The following TIAM2 variants were observed in gnomAD, a reference collection of about 807,000 sequenced individuals.
The protein encoded by TIAM2 is TIAM Rac1 associated GEF 2.
TIAM2 carries 80 observed loss-of-function variants against 152.9 expected under a neutral mutation model. That is an observed-to-expected ratio of 0.52 (90% confidence interval 0.44 to 0.63). The LOEUF is 0.63. Among genes scored for constraint, TIAM2 ranks in the 30% least tolerant of loss-of-function variants. TIAM2 has a pLI of 0.00. For missense variants in TIAM2, 1,965 were observed against 2,120.1 expected (o/e 0.93, Z 1.44); for synonymous variants, 804 against 838.0 (o/e 0.96, Z 0.70).
At chr6:155,080,364 A>G (rs1778036052) in intron 1 of TIAM2, among the ~76,000 whole-genome samples, 1 of 151,870 alleles carries the variant, frequency 6.6e-6, no homozygotes, top group South Asian at 2.1e-4. Context: ...TTTTGTGGGC[A>G]AGGTATATAA....
intron 2 of TIAM2, among the ~76,000 whole-genome samples, chr6:155,117,749 ATTCTCTC>A (rs1384209307): frequency 7.9e-5 from 12 of 151,936 alleles, no homozygotes; most frequent in Non-Finnish European, 1.6e-4. Flanking sequence ...GGCCTTTCAT[ATTCTCTC>A]TTACTGATTC....
rs1175378896 is a variant in TIAM2, at chr6:155,148,405, T to TCATCTTGGTGGTATTTCTTGGCTCA, written c.2028+91_2028+115dup. On this transcript the variant is annotated intron_variant, in intron 7 of 26. Coordinates refer to ENST00000682666, the MANE Select transcript of TIAM2 (RefSeq NM_012454.4). ...TTGTGCAGTGACTGAACGCATGCTGTCATCTTGGTGGTATTTCTTGGCTCA... is the reference window on the plus strand; with the variant it reads ...TTGTGCAGTGACTGAACGCATGCTGTCATCTTGGTGGTATTTCTTGGCTCACATCTTGGTGGTATTTCTTGGCTCA... 2.1e-5 allele frequency: 30 copies of TCATCTTGGTGGTATTTCTTGGCTCA among 1,413,106 alleles called. No homozygotes were observed. In the African/African-American group the frequency reaches 3.7e-4, roughly 17 times the overall value. The allele number at this position is 1,413,106 out of a possible 1,614,324, so 87.5% of individuals were successfully genotyped here. A position where few individuals can be genotyped will look rare whatever the true frequency, so the allele number is the denominator to read the frequency against.
chr6:155,140,571 TGTGAGA>T (rs1463703563), intron 5 of TIAM2, among the ~76,000 whole-genome samples: 117 of 110,764 alleles, frequency 1.1e-3, no homozygotes, highest in African/African-American at 4.3e-3. Context: ...TGTGTGTGTG[TGTGAGA>T]GAGAGAGAGA....
intron 2 of TIAM2, among the ~76,000 whole-genome samples, chr6:155,114,036 AT>A (rs869241399): frequency 6.6e-3 from 230 of 34,898 alleles, no homozygotes; most frequent in African/African-American, 0.016. Flanking sequence ...ATATATATAT[AT>A]TTTTTTTTTT....
At chr6:155,016,001 A>G (rs748342511) in intron 1 of TIAM2, among the ~76,000 whole-genome samples, 9 of 151,640 alleles carry the variant, frequency 5.9e-5, no homozygotes, top group African/African-American at 4.8e-5. Flanking sequence ...TGTAATGTAC[A>G]TCAGACCATC....
At chr6:155,251,559 T>G (rs933629624) in intron 22 of TIAM2, among the ~76,000 whole-genome samples, 2 of 152,194 alleles carry the variant, frequency 1.3e-5, no homozygotes, top group African/African-American at 4.8e-5. Flanking sequence ...AGTGCTGGGA[T>G]TACAGGCATT....
At chr6:155,067,468 G>A (rs371790116) in intron 1 of TIAM2, among the ~76,000 whole-genome samples, 2 of 152,256 alleles carry the variant, frequency 1.3e-5, no homozygotes, top group South Asian at 4.1e-4. Context: ...AGAGGTCCAT[G>A]TCTCCAAGAA....
chr6:155,067,029 C>T (rs951276663), intron 1 of TIAM2, among the ~76,000 whole-genome samples: 2 of 152,132 alleles, frequency 1.3e-5, no homozygotes, highest in East Asian at 3.9e-4. Context: ...AGAGCTGAGA[C>T]GATGACAAGT....
chr6:155,245,755 G>GTTGTT, intron 19 of TIAM2, 24 bp downstream of exon 19: 2 of 1,022,126 alleles, frequency 2.0e-6, no homozygotes, highest in Non-Finnish European at 1.4e-6. Flanking sequence ...GCCTTTTATA[G>GTTGTT]TTTTTTTTTT....
At chr6:155,193,013 C>T (rs1206164985) in intron 14 of TIAM2, among the ~76,000 whole-genome samples, 2 of 152,208 alleles carry the variant, frequency 1.3e-5, no homozygotes, top group African/African-American at 4.8e-5. Flanking sequence ...ATCTTTTACT[C>T]ATGCGTGATT....
chr6:155,166,385 G>A lies in TIAM2; in HGVS notation c.2361+976G>A, dbSNP rs75142399. 5.3e-5 allele frequency among the ~76,000 whole-genome samples: 8 copies of A among 151,202 alleles called. No individual in the cohort carries two copies. In the East Asian group the frequency reaches 1.6e-3, roughly 29 times the overall value. On this transcript the variant is annotated intron_variant, in intron 9 of 26. Coordinates refer to ENST00000682666, the MANE Select transcript of TIAM2 (RefSeq NM_012454.4). ...GTCACCCAGGCTGGAATGTAGTGGT[G>A]TGATCTTGGCTCGCCGCAACCTCTG...
rs553696382 is a variant in TIAM2, at chr6:155,204,759, G to A, written c.3065-6445G>A. Among the ~76,000 whole-genome samples, 92 of 152,220 alleles carry A rather than the reference G, an allele frequency of 6.0e-4. 2 individuals carry two copies. In the South Asian group the frequency reaches 0.018, roughly 29 times the overall value. Reference sequence around the variant, plus strand: ...TCTATTTCAAATGAATCCTCAGTCCGCATATTGAAGCACGGCTTTTTCCGA... The same window carrying A: ...TCTATTTCAAATGAATCCTCAGTCCACATATTGAAGCACGGCTTTTTCCGA... On this transcript the variant is annotated intron_variant, in intron 14 of 26. Transcript: ENST00000682666.
intron 2 of TIAM2, among the ~76,000 whole-genome samples, chr6:155,099,177 A>C (rs1778491285): frequency 6.6e-6 from 1 of 151,650 alleles, no homozygotes; most frequent in Admixed American, 6.6e-5. Flanking sequence ...ACAAGAGCAA[A>C]ACTCCATGTC....
Position 155,256,480 on chromosome 6 carries a change from G to A in TIAM2, c.4469-4G>A. Reference sequence around the variant, plus strand: ...CACAGCGAAATGTGTTTTTCTCACTGTAGCTTCATCCAGGTCTTTAAAAGT... The same window carrying A: ...CACAGCGAAATGTGTTTTTCTCACTATAGCTTCATCCAGGTCTTTAAAAGT... On this transcript the variant is annotated splice_polypyrimidine_tract_variant and splice_region_variant and intron_variant, in intron 26 of 26. Coordinates refer to ENST00000682666, the MANE Select transcript of TIAM2 (RefSeq NM_012454.4). The A allele has an allele frequency of 6.2e-7, 1 of 1,614,142 alleles. No homozygotes were observed. Among genetic ancestry groups the A allele is most frequent in the Non-Finnish European group, 8.5e-7 (1 of 1,180,042 alleles).
intron 18 of TIAM2, 137 bp downstream of exon 18, chr6:155,244,920 C>A: frequency 8.9e-7 from 1 of 1,119,264 alleles, no homozygotes; most frequent in Non-Finnish European, 1.2e-6. Context: ...TATTTCCTTG[C>A]ACCGTTTTCC....
At chr6:155,002,657 G>T (rs1778331555) in intron 1 of TIAM2, among the ~76,000 whole-genome samples, 1 of 116,044 alleles carries the variant, frequency 8.6e-6, no homozygotes, top group Non-Finnish European at 2.0e-5. Flanking sequence ...CCATCACACA[G>T]GGAGTGCTTT....
intron 1 of TIAM2, among the ~76,000 whole-genome samples, chr6:155,029,816 CAG>C (rs1340860057): frequency 2.0e-5 from 3 of 149,426 alleles, no homozygotes; most frequent in African/African-American, 7.4e-5. Context: ...TTTTCTGAGA[CAG>C]GGTCTCAGTC....
chr6:155,252,407 T>C (rs1336630537), intron 23 of TIAM2, among the ~76,000 whole-genome samples: 4 of 152,164 alleles, frequency 2.6e-5, no homozygotes, highest in Admixed American at 2.6e-4. Context: ...AGGTGGAAGC[T>C]GCAGTGAGCC....
intron 4 of TIAM2, among the ~76,000 whole-genome samples, chr6:155,134,807 G>A (rs1343233008): frequency 6.6e-6 from 1 of 152,146 alleles, no homozygotes; most frequent in Non-Finnish European, 1.5e-5. Context: ...CCGGGTTCAA[G>A]CGATTCTCCT....
Sources: gnomAD v4.1 joint callset for allele counts (sites outside exome capture counted in the v4.1 genomes callset) on GRCh38, gnomAD v4.1.1 for gene constraint, MANE v1.5 for transcripts, NCBI Gene and HGNC (gene_info 2026-07-23, HGNC 2026-07-21) for gene names.